TXNRD2: variants seen among roughly 807,000 people sequenced by gnomAD.
TXNRD2 encodes thioredoxin reductase 2.
A neutral mutation model predicts 70.8 loss-of-function variants in TXNRD2; 67 were observed. The ratio of observed to expected loss-of-function variants is 0.95; its 90% confidence interval spans 0.78 to 1.16. TXNRD2 has a LOEUF of 1.16. Among genes scored for constraint, TXNRD2 ranks in the 50% most tolerant of loss-of-function variants. TXNRD2 has a pLI of 0.00. For missense variants in TXNRD2, 644 were observed against 719.9 expected, an observed-to-expected ratio of 0.89 and a Z score of 1.21; for synonymous variants, 301 against 295.8, an observed-to-expected ratio of 1.02 and a Z score of -0.18.
At chr22:19,933,471 C>A in intron 1 of TXNRD2, 1 of 1,289,756 alleles carries the variant, frequency 7.8e-7, no homozygotes, top group East Asian at 5.6e-5. Flanking sequence ...GTTGCCATAG[C>A]AGGGCCCTTG....
chr22:19,880,647 G>T lies in TXNRD2; in HGVS notation c.1157C>A (p.Ser386Tyr), dbSNP rs377598025. The change falls in exon 13 of 18, where the codon TCC (serine) becomes TAC (tyrosine). Residue 386 changes from serine to tyrosine, a missense_variant. Ser to Tyr is a moderately radical substitution (Grantham distance 144, BLOSUM62 -2). This residue lies in a region of TXNRD2 where 566 missense variants were observed against 645.0 expected (regional missense o/e 0.88). Transcript: ENST00000400521. ...ATTGTCGTAGTCCATCAGATCTGAG[G>T]ACCCGCCGAAGAGCCGCTGCACCAG... ...RLLVQRLFGGSSDLMDYDNVP... is the reference protein window; with the variant it reads ...RLLVQRLFGGYSDLMDYDNVP... 38 of 1,613,220 alleles carry T rather than the reference G, an allele frequency of 2.4e-5. No individual in the cohort carries two copies. Among genetic ancestry groups the T allele is most frequent in the Non-Finnish European group, 2.8e-5 (33 of 1,180,014 alleles).
In TXNRD2 at chr22:19,919,597, C is replaced by A; in HGVS notation, c.175G>T (p.Ala59Ser). 2 of 1,559,198 alleles carry A rather than the reference C, an allele frequency of 1.3e-6. No homozygotes were observed. Among genetic ancestry groups the A allele is most frequent in the Non-Finnish European group, 1.7e-6 (2 of 1,152,232 alleles). ...SGGLACAKEA[A>S]QLGRKVAVVD... ...ACGGCCACCTTCCTTCCCAGCTGGGCGGCTGGAAGGATAAGGAGAGCAGCA... is the reference window on the plus strand; with the variant it reads ...ACGGCCACCTTCCTTCCCAGCTGGGAGGCTGGAAGGATAAGGAGAGCAGCA... Residue 59 changes from alanine to serine, a missense_variant and splice_region_variant, in exon 3 of 18, where the codon GCC (alanine) becomes TCC (serine). Physicochemically the swap from Ala to Ser is moderately conservative, Grantham distance 99. Around this residue, in one of 3 missense-constraint regions of TXNRD2, gnomAD observed 566 missense variants for 645.0 expected, o/e 0.88. Coordinates refer to ENST00000400521, the MANE Select transcript of TXNRD2 (RefSeq NM_006440.5).
chr22:19,924,800 T>C (rs1194631539), intron 2 of TXNRD2, among the ~76,000 whole-genome samples: 4 of 151,934 alleles, frequency 2.6e-5, no homozygotes, highest in Non-Finnish European at 5.9e-5. Context: ...CAGCCTAATA[T>C]ACATGGAATT....
chr22:19,940,061 G>GTTCAC (rs1243279931), intron 1 of TXNRD2, among the ~76,000 whole-genome samples: 1 of 151,938 alleles, frequency 6.6e-6, no homozygotes, highest in Non-Finnish European at 1.5e-5. Context: ...GGCTAATACA[G>GTTCAC]TGAAATCCCG....
chr22:19,907,888 C>T lies in TXNRD2; in HGVS notation c.662+3489G>A, dbSNP rs367663467. On this transcript the variant is annotated intron_variant, in intron 8 of 17. Transcript: ENST00000400521. ...ACCGCTCTCAGGAGAGTGTGGGCGCCGTGGGTAGCAGTGACCGCTCTCAGG... is the reference window on the plus strand; with the variant it reads ...ACCGCTCTCAGGAGAGTGTGGGCGCTGTGGGTAGCAGTGACCGCTCTCAGG... Among the ~76,000 whole-genome samples the T allele has an allele frequency of 1.7e-3, 69 of 40,822 alleles. 4 individuals carry two copies. Among genetic ancestry groups the T allele is most frequent in the South Asian group, 6.6e-3 (6 of 904 alleles). 26.8% of individuals were successfully genotyped at this position (40,822 alleles called of 152,430 possible). A position where few individuals can be genotyped will look rare whatever the true frequency, so the allele number is the denominator to read the frequency against.
intron 6 of TXNRD2, 38 bp downstream of exon 6, chr22:19,915,727 G>A: frequency 6.3e-7 from 1 of 1,599,342 alleles, no homozygotes; most frequent in Non-Finnish European, 8.6e-7. Context: ...TCTGCAGAAG[G>A]GTCCACAAGG....
At chr22:19,877,005 CCT>C in intron 17 of TXNRD2, 33 bp downstream of exon 17, 1 of 1,440,130 alleles carries the variant, frequency 6.9e-7, no homozygotes, top group Non-Finnish European at 9.3e-7. Flanking sequence ...TGCCACATGC[CCT>C]GTCCTCAAAC....
chr22:19,928,384 G>T (rs796473456), intron 2 of TXNRD2, among the ~76,000 whole-genome samples: 1 of 152,164 alleles, frequency 6.6e-6, no homozygotes, highest in African/African-American at 2.4e-5. Context: ...ACACTACTCA[G>T]CAATGAAAAG....
chr22:19,895,687 G>A (rs992973697), intron 10 of TXNRD2, 106 bp from the exon 11 acceptor site: 2 of 1,340,200 alleles, frequency 1.5e-6, no homozygotes, highest in African/African-American at 1.4e-5. Flanking sequence ...AGAGGGGTCT[G>A]TGCGGAAGAC....
At chr22:19,926,606 C>A (rs1941155040) in intron 2 of TXNRD2, among the ~76,000 whole-genome samples, 1 of 152,042 alleles carries the variant, frequency 6.6e-6, no homozygotes, top group South Asian at 2.1e-4. Context: ...ATGGTGAAAC[C>A]CCGTCTCTAC....
chr22:19,894,504 C>T (rs1939404690), intron 11 of TXNRD2: 1 of 153,330 alleles, frequency 6.5e-6, no homozygotes, highest in African/African-American at 2.4e-5. Context: ...GTAGCTCAAA[C>T]CTGTAATCCC....
Position 19,933,410 on chromosome 22 carries a change from A to C in TXNRD2, c.104-2312T>G, listed in dbSNP as rs773472776. 103 of 1,282,246 alleles carry C rather than the reference A, an allele frequency of 8.0e-5. 1 individual carries two copies. The African/African-American group carries it at 1.4e-3, about 17-fold the overall frequency. The allele number at this position is 1,282,246 out of a possible 1,614,324, so 79.4% of individuals were successfully genotyped here. On this transcript the variant is annotated intron_variant, in intron 1 of 17. Transcript: ENST00000400521. Reference sequence around the variant, plus strand: ...TCTCCTCCAGCTGCCTGGTAGCCGGAAGCTTTGCTCAGAACGTCCCTACCT... The same window carrying C: ...TCTCCTCCAGCTGCCTGGTAGCCGGCAGCTTTGCTCAGAACGTCCCTACCT...
intron 10 of TXNRD2, 109 bp from the exon 11 acceptor site, chr22:19,895,690 C>A (rs1601410440): frequency 1.5e-5 from 20 of 1,304,616 alleles, no homozygotes; most frequent in Non-Finnish European, 2.0e-5. Context: ...GGGGTCTGTG[C>A]GGAAGACGGG....
chr22:19,921,414 CAA>C lies in TXNRD2; in HGVS notation c.173-1817_173-1816del, dbSNP rs34252435. Among the ~76,000 whole-genome samples, 633 of 75,404 alleles carry C rather than the reference CAA, an allele frequency of 8.4e-3. 7 individuals are homozygous for C. The highest frequency in any genetic ancestry group is 0.029 in the African/African-American group (598 of 20,932). The allele number at this position is 75,404 out of a possible 152,430, so 49.5% of individuals were successfully genotyped here. ...TAGGTGACAGAGCAAGACCCTGTCT[CAA>C]AAAAAAAAAAAAAAAAAGCCAGTGT... On this transcript the variant is annotated intron_variant, in intron 2 of 17. Coordinates refer to ENST00000400521, the MANE Select transcript of TXNRD2 (RefSeq NM_006440.5).
intron 11 of TXNRD2, among the ~76,000 whole-genome samples, chr22:19,885,609 G>A (rs1938993992): frequency 1.3e-5 from 2 of 152,232 alleles, no homozygotes; most frequent in South Asian, 4.1e-4. Context: ...GCACGAAGGA[G>A]GGGCTGTGGT....
At chr22:19,896,517 C>T (rs1270108771) in intron 10 of TXNRD2, among the ~76,000 whole-genome samples, 2 of 152,156 alleles carry the variant, frequency 1.3e-5, no homozygotes, top group Admixed American at 6.5e-5. Context: ...ATCCAGGAGC[C>T]AGGAGGGTAG....
chr22:19,941,790 G>C lies in TXNRD2; in HGVS notation c.14C>G (p.Ala5Gly), dbSNP rs775392322. The C allele has an allele frequency of 1.3e-5, 20 of 1,532,582 alleles. No individual in the cohort carries two copies. The highest frequency in any genetic ancestry group is 5.3e-5 in the East Asian group (2 of 38,074). The allele number at this position is 1,532,582 out of a possible 1,614,324, so 94.9% of individuals were successfully genotyped here. The stretch of plus-strand genomic sequence containing the variant: ...CCCTCCTAATCCCCGCAGCGCCACC[G>C]CCATTGCCGCCATCGTCGTGGGGCT... MAAM[A>G]VALRGLGGRF... Residue 5 changes from alanine to glycine, a missense_variant, in exon 1 of 18, where the codon GCG (alanine) becomes GGG (glycine). Transcript: ENST00000400521.
chr22:19,928,301 C>T (rs1442841885), intron 2 of TXNRD2, among the ~76,000 whole-genome samples: 1 of 152,034 alleles, frequency 6.6e-6, no homozygotes, highest in East Asian at 1.9e-4. Flanking sequence ...TCCACAATGG[C>T]CAAAAGGTGG....
chr22:19,892,243 ATCG>A (rs1481250750), intron 11 of TXNRD2, among the ~76,000 whole-genome samples: 9 of 152,288 alleles, frequency 5.9e-5, no homozygotes, highest in Admixed American at 2.0e-4. Context: ...TTAAAGGCTT[ATCG>A]TACAAACCAG....
Sources: gnomAD v4.1 joint callset for allele counts (sites outside exome capture counted in the v4.1 genomes callset) on GRCh38, gnomAD v4.1.1 for gene constraint, gnomAD v4.1.1 regional missense constraint, MANE v1.5 for transcripts, NCBI Gene and HGNC (gene_info 2026-07-23, HGNC 2026-07-21) for gene names.